The following TNFRSF13B variants were observed in gnomAD, a reference collection of about 807,000 sequenced individuals.
TNFRSF13B encodes the protein tumor necrosis factor receptor superfamily member 13B.
Under a neutral mutation model 24.0 loss-of-function variants are expected in TNFRSF13B, and 34 were observed. The observed-to-expected ratio is 1.41, with a 90% CI of 1.08 to 1.88. The LOEUF is 1.88. TNFRSF13B is among the 40% of genes most tolerant of loss of function. The pLI is 0.00. For missense variants in TNFRSF13B, 415 were observed against 380.8 expected, an observed-to-expected ratio of 1.09 and a Z score of -0.75; for synonymous variants, 173 against 150.3, an observed-to-expected ratio of 1.15 and a Z score of -1.10.
chr17:16,947,787 G>A (rs965713099), intron 3 of TNFRSF13B, among the ~76,000 whole-genome samples: 4 of 152,212 alleles, frequency 2.6e-5, no homozygotes, highest in Non-Finnish European at 5.9e-5. Context: ...AAAGCAGTTT[G>A]GAGATTCCTC....
In TNFRSF13B at chr17:16,952,509, T is replaced by C. The variant is rs1446669063; in HGVS notation, c.136A>G (p.Thr46Ala). 6.2e-7 allele frequency: 1 copy of C among 1,614,024 alleles called. No homozygotes were observed. The highest frequency in any genetic ancestry group is 8.5e-7 in the Non-Finnish European group (1 of 1,180,006). Residue 46 changes from threonine (T) to alanine (A), a missense_variant, in exon 2 of 5, where the codon ACC becomes GCC. Transcript: ENST00000261652. ...EEQYWDPLLG[T>A]CMSCKTICNH... Reference sequence around the variant, plus strand: ...CAAATGGTTTTGCAGGACATGCAGGTACCCAGCAGAGGATCCCAGTACTGC... The same window carrying C: ...CAAATGGTTTTGCAGGACATGCAGGCACCCAGCAGAGGATCCCAGTACTGC...
At chr17:16,945,488 G>C (rs2087541403) in intron 3 of TNFRSF13B, among the ~76,000 whole-genome samples, 1 of 152,250 alleles carries the variant, frequency 6.6e-6, no homozygotes. Flanking sequence ...GTGACTGTCA[G>C]CAAGTCACTC....
At chr17:16,950,268 C>G (rs1041740932) in intron 2 of TNFRSF13B, among the ~76,000 whole-genome samples, 1 of 152,210 alleles carries the variant, frequency 6.6e-6, no homozygotes, top group Non-Finnish European at 1.5e-5. Flanking sequence ...GTCTTAGCCT[C>G]TCCGTGCCTC....
In TNFRSF13B at chr17:16,939,417, CCT is replaced by C. The variant is rs1256825714; in HGVS notation, c.*128_*129del. The C allele has an allele frequency of 3.5e-6, 4 of 1,133,030 alleles. No homozygotes were observed. Among genetic ancestry groups the C allele is most frequent in the African/African-American group, 3.1e-5 (2 of 63,798 alleles). 70.2% of individuals were successfully genotyped at this position (1,133,030 alleles called of 1,614,324 possible). A position where few individuals can be genotyped will look rare whatever the true frequency, so the allele number is the denominator to read the frequency against. On this transcript the variant is annotated 3_prime_UTR_variant, in exon 5 of 5. Coordinates refer to ENST00000261652, the MANE Select transcript of TNFRSF13B (RefSeq NM_012452.3). ...TCTGTCTCTCTCTCCCTCTCTGTCT[CCT>C]CTGTTTCTCTCCCTCTCTGCCTCCT... is the stretch of plus-strand genomic sequence containing the variant.
At chr17:16,957,292 A>G (rs766399161) in intron 1 of TNFRSF13B, among the ~76,000 whole-genome samples, 1 of 151,498 alleles carries the variant, frequency 6.6e-6, no homozygotes, top group African/African-American at 2.4e-5. Flanking sequence ...AGAAGAGGCA[A>G]TTGGCAAACT....
rs889484456 is a variant in TNFRSF13B, at chr17:16,939,134, G to A, written c.*413C>T. 2 of 166,318 alleles carry A rather than the reference G, an allele frequency of 1.2e-5. No individual in the cohort carries two copies. Among genetic ancestry groups the A allele is most frequent in the Admixed American group, 1.3e-4 (2 of 15,784 alleles). 10.3% of individuals were successfully genotyped at this position (166,318 alleles called of 1,614,324 possible). ...TTATTCTCCAGGAGGAGGGGCTCTC[G>A]GGGGCTGTGAGCAGCAGGCACGAGG... On this transcript the variant is annotated 3_prime_UTR_variant, in exon 5 of 5. Transcript: ENST00000261652.
At chr17:16,942,274 G>A (rs373925117) in intron 3 of TNFRSF13B, among the ~76,000 whole-genome samples, 5 of 152,106 alleles carry the variant, frequency 3.3e-5, no homozygotes, top group East Asian at 1.9e-4. Context: ...CCCGGGAGCC[G>A]GTCTCACCAA....
At chr17:16,951,954 T>C (rs2087591992) in intron 2 of TNFRSF13B, among the ~76,000 whole-genome samples, 1 of 150,612 alleles carries the variant, frequency 6.6e-6, no homozygotes, top group Non-Finnish European at 1.5e-5. Context: ...AAAAAATTGG[T>C]TGGGAAAGTA....
intron 1 of TNFRSF13B, among the ~76,000 whole-genome samples, chr17:16,953,369 G>A (rs2087603387): frequency 1.3e-5 from 2 of 152,112 alleles, no homozygotes; most frequent in Non-Finnish European, 2.9e-5. Context: ...TGTGTGTAAA[G>A]TGCACAAAAA....
At position 16,939,608 on chromosome 17, in the gene TNFRSF13B, A is replaced by C; in HGVS notation, c.821T>G (p.Ile274Ser). 6.2e-7 allele frequency: 1 copy of C among 1,613,312 alleles called. No individual in the cohort carries two copies. The highest frequency in any genetic ancestry group is 8.5e-7 in the Non-Finnish European group (1 of 1,179,676). ...CACAATGCCAAGGCCACTGTCTGGG[A>C]TGTGTGGGCAAGGCTGCAGGACTGT... ...RTTVLQPCPH[I>S]PDSGLGIVCV... Residue 274 changes from isoleucine (I) to serine (S), a missense_variant, in exon 5 of 5, where the codon ATC (isoleucine) becomes AGC (serine). Ile to Ser is a moderately radical substitution (Grantham distance 142). Coordinates refer to ENST00000261652, the MANE Select transcript of TNFRSF13B (RefSeq NM_012452.3).
At chr17:16,942,119 A>G (rs966008026) in intron 3 of TNFRSF13B, among the ~76,000 whole-genome samples, 1 of 152,168 alleles carries the variant, frequency 6.6e-6, no homozygotes, top group Non-Finnish European at 1.5e-5. Context: ...TATACCTAGG[A>G]GAAGAATGGC....
intron 3 of TNFRSF13B, chr17:16,941,443 C>T (rs1328145160): frequency 7.7e-5 from 76 of 987,540 alleles, no homozygotes; most frequent in Non-Finnish European, 8.9e-5. Flanking sequence ...CCCAAAAGCT[C>T]TTCCTTGTCC....
At chr17:16,955,153 C>T (rs2143666821) in intron 1 of TNFRSF13B, among the ~76,000 whole-genome samples, 1 of 152,336 alleles carries the variant, frequency 6.6e-6, no homozygotes, top group South Asian at 2.1e-4. Flanking sequence ...CAACTGCTTA[C>T]CCAGAACTTC....
intron 3 of TNFRSF13B, among the ~76,000 whole-genome samples, chr17:16,945,087 A>G (rs547695604): frequency 6.6e-6 from 1 of 152,334 alleles, no homozygotes; most frequent in African/African-American, 2.4e-5. Context: ...GGAGAAATAA[A>G]GGGCAGGGTA....
intron 1 of TNFRSF13B, among the ~76,000 whole-genome samples, chr17:16,966,059 G>A (rs986060707): frequency 6.6e-6 from 1 of 152,052 alleles, no homozygotes; most frequent in African/African-American, 2.4e-5. Context: ...TTCGAGATCA[G>A]TTTGACCAAT....
intron 2 of TNFRSF13B, among the ~76,000 whole-genome samples, chr17:16,951,862 T>G (rs964916596): frequency 1.2e-4 from 18 of 151,954 alleles, no homozygotes; most frequent in African/African-American, 3.6e-4. Context: ...CACTCCAGCC[T>G]GAGCAACAAG....
intron 1 of TNFRSF13B, among the ~76,000 whole-genome samples, chr17:16,959,845 G>A (rs1435482169): frequency 6.6e-6 from 1 of 152,016 alleles, no homozygotes; most frequent in Non-Finnish European, 1.5e-5. Flanking sequence ...CCAGTGACAA[G>A]CTCAGGACAA....
intron 3 of TNFRSF13B, chr17:16,941,417 T>C: frequency 1.0e-6 from 1 of 987,630 alleles, no homozygotes; most frequent in South Asian, 4.7e-5. Context: ...GCCCTCCCCT[T>C]GGAAGTTCTC....
At chr17:16,970,507 T>C (rs1215645467) in intron 1 of TNFRSF13B, among the ~76,000 whole-genome samples, 2 of 152,256 alleles carry the variant, frequency 1.3e-5, no homozygotes, top group Admixed American at 1.3e-4. Flanking sequence ...GGCAGTTTTT[T>C]AACCGCAGGG....
Sources: gnomAD v4.1 joint callset for allele counts (sites outside exome capture counted in the v4.1 genomes callset) on GRCh38, gnomAD v4.1.1 for gene constraint, MANE v1.5 for transcripts, NCBI Gene and HGNC (gene_info 2026-07-23, HGNC 2026-07-21) for gene names.